LARP1B: variants seen among roughly 807,000 people sequenced by gnomAD.
LARP1B encodes the protein La ribonucleoprotein 1B, also known as la-related protein 1B.
A neutral mutation model predicts 114.2 loss-of-function variants in LARP1B; 76 were observed. The ratio of observed to expected loss-of-function variants is 0.67; its 90% CI spans 0.55 to 0.81. The LOEUF is 0.81. Ranked by LOEUF, LARP1B falls within the 30% of genes least tolerant of loss-of-function variation. The pLI is 0.00. For missense variants in LARP1B, 1,014 were observed against 1,075.8 expected, an observed-to-expected ratio of 0.94 and a Z score of 0.80; for synonymous variants, 345 against 348.0, an observed-to-expected ratio of 0.99 and a Z score of 0.10.
chr4:128,156,064 C>G lies in LARP1B; in HGVS notation c.1525-6130C>G, dbSNP rs1358443327. 16 of 1,592,276 alleles carry G rather than the reference C, an allele frequency of 1.0e-5. No homozygotes were observed. The Admixed American group carries it at 2.7e-4, about 27-fold the overall frequency. ...CCCCAAGCTCATGACCACACCCTCCCTAACTCCTTTCACCCCCAGCCTGGT... is the reference window on the plus strand; with the variant it reads ...CCCCAAGCTCATGACCACACCCTCCGTAACTCCTTTCACCCCCAGCCTGGT... On this transcript the variant is annotated intron_variant, in intron 11 of 19. Transcript: ENST00000326639.
chr4:128,074,786 G>A, intron 2 of LARP1B, 148 bp from the exon 3 acceptor site: 2 of 576,230 alleles, frequency 3.5e-6, no homozygotes, highest in East Asian at 5.7e-5. Flanking sequence ...ATTGTTTGCA[G>A]AAACTTTTTG....
chr4:128,176,295 ATATATATT>A (rs1254837618), intron 12 of LARP1B, among the ~76,000 whole-genome samples: 1 of 145,142 alleles, frequency 6.9e-6, no homozygotes, highest in Non-Finnish European at 1.5e-5. Flanking sequence ...GTATATATAT[ATATATATT>A]TTTTTTTTAG....
At chr4:128,094,381 CTTTTTTCT>C (rs1400977550) in intron 7 of LARP1B, among the ~76,000 whole-genome samples, 47 of 148,276 alleles carry the variant, frequency 3.2e-4, no homozygotes, top group African/African-American at 1.0e-3. Flanking sequence ...AGGTTTTTTC[CTTTTTTCT>C]TTTTCTTTTT....
chr4:128,214,516 C>G (rs1759387872), downstream of LARP1B, among the ~76,000 whole-genome samples: 1 of 152,154 alleles, frequency 6.6e-6, no homozygotes, highest in African/African-American at 2.4e-5. Flanking sequence ...AGCAGCCTAA[C>G]TGGGAGGCAG....
intron 8 of LARP1B, among the ~76,000 whole-genome samples, chr4:128,103,787 C>A (rs570171854): frequency 6.6e-6 from 1 of 152,094 alleles, no homozygotes; most frequent in East Asian, 1.9e-4. Context: ...GTCTGGAACT[C>A]CTGACCTCAG....
intron 11 of LARP1B, among the ~76,000 whole-genome samples, chr4:128,132,739 A>G (rs1344603513): frequency 6.6e-6 from 1 of 152,044 alleles, no homozygotes; most frequent in Non-Finnish European, 1.5e-5. Flanking sequence ...TTTATGGAAG[A>G]CAGTTTTTCT....
intron 11 of LARP1B, chr4:128,156,266 C>G (rs901371701): frequency 9.3e-7 from 1 of 1,072,854 alleles, no homozygotes; most frequent in African/African-American, 1.5e-5. Context: ...CCTTCCCCCA[C>G]CAGTCCAGCT....
chr4:128,091,006 A>G lies in LARP1B; in HGVS notation c.364A>G (p.Lys122Glu), dbSNP rs1437688300. The G allele has an allele frequency of 4.4e-6, 7 of 1,604,542 alleles. No homozygotes were observed. Among genetic ancestry groups the G allele is most frequent in the Non-Finnish European group, 6.0e-6 (7 of 1,173,454 alleles). Residue 122 changes from lysine to glutamate, a missense_variant, in exon 6 of 20, where the codon AAG becomes GAG. By Grantham distance (56) the Lys-to-Glu change is moderately conservative (BLOSUM62 1). Coordinates refer to ENST00000326639, the MANE Select transcript of LARP1B (RefSeq NM_018078.4). Reference protein sequence around the residue: ...NNRRNDTRSWKRDREKRDDQD... With the variant: ...NNRRNDTRSWERDREKRDDQD... Reference sequence around the variant, plus strand: ...AATATTTTTATTTTTAAAAGGTTGGAAGCGAGATAGAGAAAAAAGGGATGA... The same window carrying G: ...AATATTTTTATTTTTAAAAGGTTGGGAGCGAGATAGAGAAAAAAGGGATGA...
chr4:128,190,349 CTT>C (rs1316497856), intron 15 of LARP1B, among the ~76,000 whole-genome samples: 1 of 151,728 alleles, frequency 6.6e-6, no homozygotes, highest in Non-Finnish European at 1.5e-5. Context: ...TTTTTTTTCT[CTT>C]GCTGTTTTAA....
chr4:128,073,157 T>C (rs541265012), intron 1 of LARP1B, among the ~76,000 whole-genome samples: 2 of 152,244 alleles, frequency 1.3e-5, no homozygotes, highest in East Asian at 3.9e-4. Context: ...CTCATGCCTG[T>C]AATCCTGGCA....
rs1025971205 is a variant in LARP1B, at chr4:128,122,048, C to T, written c.1384C>T (p.Pro462Ser). The T allele has an allele frequency of 2.2e-5, 35 of 1,613,786 alleles. No homozygotes were observed. Among genetic ancestry groups the T allele is most frequent in the Non-Finnish European group, 2.6e-5 (31 of 1,179,950 alleles). Residue 462 changes from proline to serine, a missense_variant, in exon 11 of 20, where the codon CCT (proline) becomes TCT (serine). Coordinates refer to ENST00000326639, the MANE Select transcript of LARP1B (RefSeq NM_018078.4). ...TQTPPYVKKH[P>S]GGDRTGTHMS... The stretch of plus-strand genomic sequence containing the variant: ...GACACCACCTTATGTGAAAAAACAT[C>T]CTGGAGGAGATCGAACAGGCACCCA...
intron 12 of LARP1B, among the ~76,000 whole-genome samples, chr4:128,167,038 G>A (rs952455101): frequency 5.8e-5 from 7 of 121,104 alleles, no homozygotes; most frequent in East Asian, 2.3e-4. Flanking sequence ...ACGTGTGTAC[G>A]TATATATACA....
chr4:128,200,836 C>G (rs143649333), intron 17 of LARP1B, among the ~76,000 whole-genome samples, 171 bp downstream of exon 17: 419 of 152,244 alleles, frequency 2.8e-3, no homozygotes, highest in African/African-American at 9.6e-3. Context: ...AGAGGGAGAC[C>G]TGTATTAGTT....
chr4:128,126,087 G>A (rs1407312642), intron 11 of LARP1B, among the ~76,000 whole-genome samples: 1 of 151,512 alleles, frequency 6.6e-6, no homozygotes. Context: ...AAAGTAACAG[G>A]CAGCAGAAAC....
intron 7 of LARP1B, among the ~76,000 whole-genome samples, chr4:128,095,790 T>A (rs1249392860): frequency 1.3e-5 from 2 of 152,150 alleles, no homozygotes; most frequent in African/African-American, 4.8e-5. Flanking sequence ...AAATGTGAGC[T>A]GGTTTGTTTT....
At chr4:128,182,245 C>T (rs1581376459) in intron 15 of LARP1B, among the ~76,000 whole-genome samples, 1 of 151,880 alleles carries the variant, frequency 6.6e-6, no homozygotes, top group East Asian at 1.9e-4. Flanking sequence ...TCCTGAGTAG[C>T]TGGAACTACA....
At chr4:128,071,197 C>G (rs1340345119) in intron 1 of LARP1B, among the ~76,000 whole-genome samples, 3 of 151,774 alleles carry the variant, frequency 2.0e-5, no homozygotes, top group Admixed American at 2.0e-4. Context: ...CAGGCGCCCG[C>G]CACCACACCC....
At chr4:128,178,917 A>G (rs919880980) in intron 14 of LARP1B, among the ~76,000 whole-genome samples, 4 of 151,800 alleles carry the variant, frequency 2.6e-5, no homozygotes, top group African/African-American at 9.7e-5. Flanking sequence ...ATGCAGTGGG[A>G]CCCCATCTCT....
intron 12 of LARP1B, among the ~76,000 whole-genome samples, chr4:128,169,475 T>C (rs1018572930): frequency 5.9e-5 from 9 of 152,094 alleles, no homozygotes; most frequent in African/African-American, 1.9e-4. Flanking sequence ...AGAAGTGTTT[T>C]TGTTTAATTT....
Sources: allele counts gnomAD v4.1 joint callset (sites outside exome capture counted in the v4.1 genomes callset), GRCh38; gene constraint gnomAD v4.1.1; transcripts MANE v1.5; gene names NCBI Gene and HGNC (gene_info 2026-07-23, HGNC 2026-07-21).